GNB4: variants seen among roughly 807,000 people sequenced by gnomAD.
GNB4 encodes G protein subunit beta 4.
GNB4 carries 28 observed loss-of-function variants against 45.2 expected under a neutral mutation model. The ratio of observed to expected loss-of-function variants is 0.62; its 90% CI spans 0.46 to 0.85. GNB4 has a LOEUF of 0.85. Ranked by LOEUF, GNB4 falls within the 40% of genes least tolerant of loss-of-function variation. GNB4 has a pLI of 0.00. For synonymous variants in GNB4, 132 were observed against 143.7 expected, an observed-to-expected ratio of 0.92 and a Z score of 0.58; for missense variants, 321 against 425.4, an observed-to-expected ratio of 0.75 and a Z score of 2.16.
At chr3:179,452,436 C>T (rs1715909079), upstream of GNB4, 1 of 152,120 alleles carries the variant, frequency 6.6e-6, no homozygotes, top group Non-Finnish European at 1.5e-5. Context: ...CCCTGGGTAG[C>T]GAAAACTGCA....
intron 1 of GNB4, among the ~76,000 whole-genome samples, chr3:179,448,710 A>AT (rs1715799012): frequency 6.6e-6 from 1 of 152,198 alleles, no homozygotes; most frequent in Non-Finnish European, 1.5e-5. Flanking sequence ...TAGGTAACTA[A>AT]TTAGTTTCTG....
intron 1 of GNB4, among the ~76,000 whole-genome samples, chr3:179,438,170 C>T (rs1156853611): frequency 2.0e-5 from 3 of 152,202 alleles, no homozygotes; most frequent in East Asian, 1.9e-4. Flanking sequence ...GCATTTATTA[C>T]GTGTATGTAC....
chr3:179,449,075 G>T (rs1016369952), intron 1 of GNB4, among the ~76,000 whole-genome samples: 1 of 152,212 alleles, frequency 6.6e-6, no homozygotes, highest in African/African-American at 2.4e-5. Flanking sequence ...ATAAATTGCA[G>T]AGGGAAATAT....
chr3:179,459,691 A>AAAGAAAAAAAAAAGC, the GNB4 span, among the ~76,000 whole-genome samples: 1 of 152,108 alleles, frequency 6.6e-6, no homozygotes, highest in Non-Finnish European at 1.5e-5. Context: ...TTAACAAAAA[A>AAAGAAAAAAAAAAGC]AAGAAAAAAA....
At chr3:179,507,096 C>T in the GNB4 span, among the ~76,000 whole-genome samples, 12 of 152,172 alleles carry the variant, frequency 7.9e-5, no homozygotes, top group Non-Finnish European at 1.8e-4. Context: ...GAGTCGCCAT[C>T]CATCTGCCAA....
the GNB4 span, among the ~76,000 whole-genome samples, chr3:179,497,804 A>G: frequency 6.6e-6 from 1 of 152,244 alleles, no homozygotes; most frequent in African/African-American, 2.4e-5. Context: ...GATTCTCAAC[A>G]TCACTAATCA....
At chr3:179,404,850 G>A (rs978455954) in intron 9 of GNB4, among the ~76,000 whole-genome samples, 1 of 152,124 alleles carries the variant, frequency 6.6e-6, no homozygotes, top group African/African-American at 2.4e-5. Flanking sequence ...TGCTTCAGAA[G>A]GAAGAAAACC....
chr3:179,421,567 G>GT (rs1408425175), intron 2 of GNB4, among the ~76,000 whole-genome samples: 1 of 152,124 alleles, frequency 6.6e-6, no homozygotes, highest in Non-Finnish European at 1.5e-5. Context: ...CTTCAATTTT[G>GT]TTTTTTCTAT....
chr3:179,462,900 T>G, the GNB4 span, among the ~76,000 whole-genome samples: 1 of 152,112 alleles, frequency 6.6e-6, no homozygotes, highest in Admixed American at 6.6e-5. Flanking sequence ...AAAATCATTT[T>G]AAGTAAAAAG....
At chr3:179,477,245 AT>A in the GNB4 span, among the ~76,000 whole-genome samples, 515 of 152,334 alleles carry the variant, frequency 3.4e-3, 2 homozygotes, top group Non-Finnish European at 4.8e-3. Context: ...TTTTAAAAAA[AT>A]ATTTTAGTTC....
the GNB4 span, among the ~76,000 whole-genome samples, chr3:179,457,724 A>G: frequency 1.3e-5 from 2 of 152,196 alleles, no homozygotes; most frequent in African/African-American, 4.8e-5. Flanking sequence ...GTTCAACATT[A>G]ATGCTTCTAG....
the GNB4 span, among the ~76,000 whole-genome samples, chr3:179,474,791 A>C: frequency 6.3e-5 from 7 of 110,584 alleles, no homozygotes; most frequent in African/African-American, 2.5e-4. Context: ...TCAATATGTC[A>C]TCCCCACTGG....
the GNB4 span, among the ~76,000 whole-genome samples, chr3:179,497,853 C>T: frequency 6.6e-6 from 1 of 152,168 alleles, no homozygotes; most frequent in Non-Finnish European, 1.5e-5. Context: ...AAGATATCAT[C>T]TCACACTCAG....
the GNB4 span, among the ~76,000 whole-genome samples, chr3:179,519,999 G>A: frequency 3.9e-5 from 6 of 152,214 alleles, no homozygotes; most frequent in Admixed American, 2.0e-4. Context: ...CAGGATCTGC[G>A]CCTTATCAAC....
At position 179,439,607 on chromosome 3, in the gene GNB4, C is replaced by T. The variant is rs1371539129; in HGVS notation, c.-43+11739G>A. ...TCTTCACAGGCGTGGGGACATAGGA[C>T]AGGACTCAAAATCATCCCTCCACTC... On this transcript the variant is annotated intron_variant, in intron 1 of 9. Transcript: ENST00000232564. 2.0e-5 allele frequency among the ~76,000 whole-genome samples: 3 copies of T among 152,228 alleles called. No homozygotes were observed. In the East Asian group the frequency reaches 5.8e-4, roughly 29 times the overall value.
the GNB4 span, among the ~76,000 whole-genome samples, chr3:179,520,849 A>G: frequency 6.6e-6 from 1 of 152,174 alleles, no homozygotes; most frequent in African/African-American, 2.4e-5. Context: ...TATTGATGGC[A>G]GTTCCACCAG....
At chr3:179,501,028 A>G in the GNB4 span, among the ~76,000 whole-genome samples, 1 of 152,176 alleles carries the variant, frequency 6.6e-6, no homozygotes, top group Non-Finnish European at 1.5e-5. Flanking sequence ...GAAAGGGTGA[A>G]ACCTTGGATG....
chr3:179,447,980 G>A (rs1216501963), intron 1 of GNB4, among the ~76,000 whole-genome samples: 1 of 152,166 alleles, frequency 6.6e-6, no homozygotes, highest in Admixed American at 6.5e-5. Context: ...TGATAGGGAA[G>A]GAGTTATCTG....
the GNB4 span, among the ~76,000 whole-genome samples, chr3:179,471,339 C>G: frequency 6.6e-6 from 1 of 152,204 alleles, no homozygotes; most frequent in Admixed American, 6.5e-5. Flanking sequence ...CACTCACTGA[C>G]TCACCCAGAG....
Sources: allele counts gnomAD v4.1 joint callset (sites outside exome capture counted in the v4.1 genomes callset), GRCh38; gene constraint gnomAD v4.1.1; transcripts MANE v1.5; gene names NCBI Gene and HGNC (gene_info 2026-07-23, HGNC 2026-07-21).